TMEM132D: variants seen among roughly 807,000 people sequenced by gnomAD.
The protein encoded by TMEM132D is transmembrane protein 132D, also known as mature OL transmembrane protein.
In TMEM132D, 21 loss-of-function variants were observed where a neutral mutation model predicts 62.3. The observed-to-expected ratio is 0.34, with a 90% CI of 0.24 to 0.49. TMEM132D has a LOEUF of 0.49. TMEM132D is among the 20% of genes least tolerant of loss of function. TMEM132D has a pLI of 0.99. For synonymous variants in TMEM132D, 621 were observed against 575.6 expected (o/e 1.08, Z -1.13); for missense variants, 1,346 against 1,402.8 (o/e 0.96, Z 0.65).
chr12:129,543,858 G>A lies in TMEM132D; in HGVS notation c.969-12653C>T, dbSNP rs990625594. Among the ~76,000 whole-genome samples the A allele has an allele frequency of 6.6e-5, 10 of 152,298 alleles. 1 individual carries two copies. The South Asian group carries it at 8.3e-4, about 13-fold the overall frequency. Reference sequence around the variant, plus strand: ...ACACATACTAATCCATTGTGTGCTAGTATCTGAGCAAAATCTGCTTGACTG... The same window carrying A: ...ACACATACTAATCCATTGTGTGCTAATATCTGAGCAAAATCTGCTTGACTG... On this transcript the variant is annotated intron_variant, in intron 2 of 8. Transcript: ENST00000422113.
At position 129,816,635 on chromosome 12, in the gene TMEM132D, C is replaced by T. The variant is rs970353312; in HGVS notation, c.79+86626G>A. Among the ~76,000 whole-genome samples, 18 of 152,042 alleles carry T rather than the reference C, an allele frequency of 1.2e-4. No homozygotes were observed. In the South Asian group the frequency reaches 1.2e-3, roughly 11 times the overall value. On this transcript the variant is annotated intron_variant, in intron 1 of 8. Coordinates refer to ENST00000422113, the MANE Select transcript of TMEM132D (RefSeq NM_133448.3). ...ACACAAATGATGAAAACCATAATTA[C>T]GAGATGAAATGGAAGAAAGATCTAT...
At position 129,209,674 on chromosome 12, in the gene TMEM132D, A is replaced by G; in HGVS notation, c.1300-11T>C. 6.2e-7 allele frequency: 1 copy of G among 1,613,992 alleles called. No individual in the cohort carries two copies. The highest frequency in any genetic ancestry group is 8.5e-7 in the Non-Finnish European group (1 of 1,179,928). The stretch of plus-strand genomic sequence containing the variant: ...CAGGATTTCTGCCTCCTGGAAGACC[A>G]AACACACCCTTCCATCACATCCCCT... On this transcript the variant is annotated splice_polypyrimidine_tract_variant and intron_variant, in intron 4 of 8. Transcript: ENST00000422113.
At chr12:129,095,907 G>C (rs1387009121) in intron 5 of TMEM132D, among the ~76,000 whole-genome samples, 1 of 152,092 alleles carries the variant, frequency 6.6e-6, no homozygotes, top group East Asian at 1.9e-4. Flanking sequence ...GCAATCAACT[G>C]TGCAGATAAA....
intron 5 of TMEM132D, among the ~76,000 whole-genome samples, chr12:129,175,780 T>C (rs969074605): frequency 2.0e-5 from 3 of 152,194 alleles, no homozygotes; most frequent in African/African-American, 7.2e-5. Flanking sequence ...TTATTACTGA[T>C]GCAAATGCAA....
intron 1 of TMEM132D, among the ~76,000 whole-genome samples, chr12:129,800,556 G>T (rs1460117564): frequency 6.6e-6 from 1 of 152,126 alleles, no homozygotes; most frequent in Non-Finnish European, 1.5e-5. Context: ...AGCAGTGGAG[G>T]CCATAGAATC....
intron 2 of TMEM132D, among the ~76,000 whole-genome samples, chr12:129,628,275 G>T (rs1425975637): frequency 1.3e-5 from 2 of 152,186 alleles, no homozygotes; most frequent in Admixed American, 6.5e-5. Flanking sequence ...AGAAAGAAAA[G>T]AAATTGGTGG....
intron 1 of TMEM132D, among the ~76,000 whole-genome samples, chr12:129,765,826 G>A (rs1870532894): frequency 6.6e-6 from 1 of 152,178 alleles, no homozygotes. Flanking sequence ...CCACAGGAGA[G>A]TCATGATTTT....
chr12:129,718,956 G>A (rs1868700407), intron 1 of TMEM132D, among the ~76,000 whole-genome samples: 1 of 151,940 alleles, frequency 6.6e-6, no homozygotes, highest in South Asian at 2.1e-4. Flanking sequence ...CCACCCATGG[G>A]CGGGGTATGG....
At chr12:129,645,064 C>T (rs1468532737) in intron 2 of TMEM132D, among the ~76,000 whole-genome samples, 2 of 151,614 alleles carry the variant, frequency 1.3e-5, no homozygotes, top group Middle Eastern at 3.5e-3. Flanking sequence ...AGATAAGTAG[C>T]CTTGCAAGGC....
chr12:129,325,805 G>A (rs1381723906), intron 4 of TMEM132D, among the ~76,000 whole-genome samples: 1 of 152,210 alleles, frequency 6.6e-6, no homozygotes, highest in Non-Finnish European at 1.5e-5. Context: ...TCAGTTTCCA[G>A]TTCTCCTTTC....
intron 1 of TMEM132D, among the ~76,000 whole-genome samples, chr12:129,764,356 T>C (rs1870481901): frequency 6.6e-6 from 1 of 152,144 alleles, no homozygotes; most frequent in South Asian, 2.1e-4. Context: ...AATGACAATA[T>C]TATAGTAGGG....
chr12:129,305,264 G>A (rs902568486), intron 4 of TMEM132D, among the ~76,000 whole-genome samples: 19 of 149,298 alleles, frequency 1.3e-4, no homozygotes, highest in African/African-American at 4.5e-4. Context: ...GAAAGCTGGA[G>A]AAAGAAATTG....
At chr12:129,725,600 C>A (rs1869003986) in intron 1 of TMEM132D, among the ~76,000 whole-genome samples, 1 of 152,214 alleles carries the variant, frequency 6.6e-6, no homozygotes, top group African/African-American at 2.4e-5. Context: ...GAAGGTGTTA[C>A]AAGGCAAATA....
chr12:129,230,970 A>G (rs997308371), intron 4 of TMEM132D, among the ~76,000 whole-genome samples: 2 of 152,224 alleles, frequency 1.3e-5, no homozygotes, highest in South Asian at 2.1e-4. Flanking sequence ...ATCACCTTCA[A>G]TGAAGCCACC....
intron 3 of TMEM132D, among the ~76,000 whole-genome samples, chr12:129,480,629 ACC>A (rs1201029238): frequency 3.3e-5 from 5 of 151,910 alleles, no homozygotes; most frequent in African/African-American, 1.2e-4. Flanking sequence ...CTTCTTTGAA[ACC>A]CCACACTCCA....
At chr12:129,239,311 T>G (rs1423337562) in intron 4 of TMEM132D, among the ~76,000 whole-genome samples, 1 of 152,226 alleles carries the variant, frequency 6.6e-6, no homozygotes, top group Non-Finnish European at 1.5e-5. Flanking sequence ...TTTTTCGTTA[T>G]GTTTCTTTCT....
chr12:129,722,547 A>C (rs1371492188), intron 1 of TMEM132D, among the ~76,000 whole-genome samples: 1 of 152,106 alleles, frequency 6.6e-6, no homozygotes, highest in East Asian at 1.9e-4. Flanking sequence ...CAGGACACAG[A>C]CCTAAGCTGC....
At chr12:129,271,403 T>A (rs1019184518) in intron 4 of TMEM132D, among the ~76,000 whole-genome samples, 7 of 151,800 alleles carry the variant, frequency 4.6e-5, no homozygotes, top group African/African-American at 7.3e-5. Context: ...GATTTTTTTT[T>A]AAATTTTACT....
At chr12:129,268,359 CA>C (rs1880754487) in intron 4 of TMEM132D, among the ~76,000 whole-genome samples, 1 of 152,088 alleles carries the variant, frequency 6.6e-6, no homozygotes, top group Non-Finnish European at 1.5e-5. Context: ...ACAACCCCAT[CA>C]AAAAATGGGC....
Sources: allele counts gnomAD v4.1 joint callset (sites outside exome capture counted in the v4.1 genomes callset), GRCh38; gene constraint gnomAD v4.1.1; transcripts MANE v1.5; gene names NCBI Gene and HGNC (gene_info 2026-07-23, HGNC 2026-07-21).